The following EXOC4 variants were observed in gnomAD, a reference collection of about 807,000 sequenced individuals.
The protein encoded by EXOC4 is SEC8-like 1.
A neutral mutation model predicts 107.2 loss-of-function variants in EXOC4; 71 were observed. The ratio of observed to expected loss-of-function variants is 0.66; its 90% CI spans 0.55 to 0.81. EXOC4 has a LOEUF of 0.81. Among genes scored for constraint, EXOC4 ranks in the 30% least tolerant of loss-of-function variants. The pLI is 0.00. For missense variants in EXOC4, 1,108 were observed against 1,189.6 expected, an observed-to-expected ratio of 0.93 and a Z score of 1.01; for synonymous variants, 456 against 441.2, an observed-to-expected ratio of 1.03 and a Z score of -0.42.
intron 13 of EXOC4, chr7:133,930,598 C>CA (rs1488105216): frequency 6.6e-6 from 1 of 151,940 alleles, no homozygotes; most frequent in Non-Finnish European, 1.5e-5. Context: ...AACGGGGATA[C>CA]AAAACGTGGA....
intron 9 of EXOC4, among the ~76,000 whole-genome samples, chr7:133,596,201 TC>T (rs1265131925): frequency 2.0e-5 from 3 of 152,250 alleles, no homozygotes; most frequent in South Asian, 4.1e-4. Flanking sequence ...TAGTGAAAAC[TC>T]TATTTGGTTA....
intron 9 of EXOC4, among the ~76,000 whole-genome samples, chr7:133,611,137 AG>A (rs1802068070): frequency 6.6e-6 from 1 of 151,874 alleles, no homozygotes; most frequent in Non-Finnish European, 1.5e-5. Flanking sequence ...ATTGTGAGAG[AG>A]ATTATAGACT....
At chr7:133,839,471 A>G (rs1251196464) in intron 11 of EXOC4, among the ~76,000 whole-genome samples, 2 of 152,240 alleles carry the variant, frequency 1.3e-5, no homozygotes, top group Non-Finnish European at 2.9e-5. Context: ...CTGGTGAAAA[A>G]TGTATGCTCT....
chr7:133,694,778 T>C (rs1039955369), intron 10 of EXOC4, among the ~76,000 whole-genome samples: 1 of 152,168 alleles, frequency 6.6e-6, no homozygotes, highest in Non-Finnish European at 1.5e-5. Context: ...AGTCACCCTA[T>C]TGCACCATCA....
At chr7:133,672,853 T>C (rs7794168) in intron 10 of EXOC4, among the ~76,000 whole-genome samples, 76,391 of 152,100 alleles carry the variant, frequency 0.5, 20,030 homozygotes, top group African/African-American at 0.65. Flanking sequence ...CCCAGTCTTA[T>C]CCCAGGCCCT....
intron 3 of EXOC4, among the ~76,000 whole-genome samples, chr7:133,304,271 A>G (rs1307270670): frequency 6.6e-6 from 1 of 152,212 alleles, no homozygotes; most frequent in East Asian, 1.9e-4. Context: ...ATTTTAGGGC[A>G]TAAGTATAAA....
intron 10 of EXOC4, among the ~76,000 whole-genome samples, chr7:133,635,665 G>A (rs1006780324): frequency 2.0e-5 from 3 of 152,146 alleles, no homozygotes; most frequent in South Asian, 2.1e-4. Context: ...CAGTTAAACA[G>A]GTGGAATTGT....
In EXOC4 at chr7:133,952,176, AAAAAG is replaced by A. The variant is rs201739621; in HGVS notation, c.2206+14110_2206+14114del. 5.7e-3 allele frequency among the ~76,000 whole-genome samples: 522 copies of A among 91,420 alleles called. 2 individuals are homozygous for A. Among genetic ancestry groups the A allele is most frequent in the Non-Finnish European group, 0.013 (399 of 29,694 alleles). 60.0% of individuals were successfully genotyped at this position (91,420 alleles called of 152,430 possible). A position where few individuals can be genotyped will look rare whatever the true frequency, so the allele number is the denominator to read the frequency against. On this transcript the variant is annotated intron_variant, in intron 14 of 17. Coordinates refer to ENST00000253861, the MANE Select transcript of EXOC4 (RefSeq NM_021807.4). ...GTGTCTCAGAAAAAAAAAAAGAAAA[AAAAAG>A]AAGCTGTTGAATTGTGGCTTCAGTA...
chr7:133,731,145 G>A (rs1269468041), intron 10 of EXOC4, among the ~76,000 whole-genome samples: 1 of 152,098 alleles, frequency 6.6e-6, no homozygotes, highest in Non-Finnish European at 1.5e-5. Context: ...TGATGTGGTT[G>A]TTAATGTTTT....
At chr7:133,443,353 C>G (rs1798146804) in intron 7 of EXOC4, among the ~76,000 whole-genome samples, 1 of 152,164 alleles carries the variant, frequency 6.6e-6, no homozygotes. Context: ...TTGGTAAAGT[C>G]TCTTGCGCAG....
At chr7:133,753,561 CA>C (rs1485278026) in intron 10 of EXOC4, among the ~76,000 whole-genome samples, 1 of 152,146 alleles carries the variant, frequency 6.6e-6, no homozygotes, top group Non-Finnish European at 1.5e-5. Context: ...ATCGCCCTAC[CA>C]GGGGAGGTGC....
chr7:134,034,504 C>T (rs935112822), intron 17 of EXOC4, among the ~76,000 whole-genome samples: 1 of 152,092 alleles, frequency 6.6e-6, no homozygotes. Flanking sequence ...GGCAGTTTCC[C>T]CCATGTTTTT....
intron 10 of EXOC4, among the ~76,000 whole-genome samples, chr7:133,761,275 A>G (rs1175943405): frequency 1.3e-5 from 2 of 152,302 alleles, no homozygotes; most frequent in Non-Finnish European, 2.9e-5. Flanking sequence ...AGATGATTCA[A>G]TTAGCTTGGA....
At chr7:133,924,386 A>G (rs1359505497) in intron 13 of EXOC4, among the ~76,000 whole-genome samples, 2 of 152,160 alleles carry the variant, frequency 1.3e-5, no homozygotes, top group Non-Finnish European at 2.9e-5. Context: ...CATCAGTCTT[A>G]TAGGTATCTT....
chr7:133,354,076 C>T (rs1002191810), intron 5 of EXOC4, among the ~76,000 whole-genome samples: 2 of 151,804 alleles, frequency 1.3e-5, no homozygotes, highest in African/African-American at 4.8e-5. Flanking sequence ...ACAGTTAAAA[C>T]TTTAAAAAAA....
intron 7 of EXOC4, among the ~76,000 whole-genome samples, chr7:133,415,787 G>A (rs1356023470): frequency 6.6e-6 from 1 of 152,148 alleles, no homozygotes; most frequent in Non-Finnish European, 1.5e-5. Context: ...ATATAGATAT[G>A]TATAGTTGTA....
intron 2 of EXOC4, among the ~76,000 whole-genome samples, chr7:133,281,472 A>G (rs1794140670): frequency 6.6e-6 from 1 of 151,600 alleles, no homozygotes; most frequent in African/African-American, 2.4e-5. Flanking sequence ...TTCAACAAAA[A>G]CAAAGAAGAC....
chr7:133,633,881 ACTTTC>A, intron 10 of EXOC4, among the ~76,000 whole-genome samples: 1 of 152,050 alleles, frequency 6.6e-6, no homozygotes. Context: ...TAGGTCCTTC[ACTTTC>A]CTTTGCTACT....
At chr7:133,434,345 A>C (rs1213474671) in intron 7 of EXOC4, among the ~76,000 whole-genome samples, 2 of 152,214 alleles carry the variant, frequency 1.3e-5, no homozygotes, top group Admixed American at 1.3e-4. Flanking sequence ...ATTCTTCAAA[A>C]GAGAATACCG....
Sources: allele counts gnomAD v4.1 joint callset (sites outside exome capture counted in the v4.1 genomes callset), GRCh38; gene constraint gnomAD v4.1.1; transcripts MANE v1.5; gene names NCBI Gene and HGNC (gene_info 2026-07-23, HGNC 2026-07-21).